The following DRC11 variants were observed in gnomAD, a reference collection of about 807,000 sequenced individuals.
The protein encoded by DRC11 is IQ and AAA domain-containing protein 1.
chr2:236,360,669 C>T, the DRC11 span, among the ~76,000 whole-genome samples: 2 of 152,066 alleles, frequency 1.3e-5, no homozygotes, highest in Non-Finnish European at 2.9e-5. The surrounding 1 kb of genome is among the most constrained non-coding windows in gnomAD (Gnocchi z 5.8). Context: ...TGTGTGCTTG[C>T]GTGGGGAAAG....
the DRC11 span, among the ~76,000 whole-genome samples, chr2:236,489,937 A>T: frequency 1.3e-5 from 2 of 152,150 alleles, no homozygotes; most frequent in Admixed American, 6.5e-5. Flanking sequence ...AAAAGAATTT[A>T]AAAATAAATT....
At chr2:236,419,858 T>C in the DRC11 span, among the ~76,000 whole-genome samples, 1 of 152,216 alleles carries the variant, frequency 6.6e-6, no homozygotes, top group Non-Finnish European at 1.5e-5. This position sits in a 1 kb window ranked among gnomAD's most constrained non-coding sequence, Gnocchi z 4.8. Context: ...TATTATAGAT[T>C]TGTTAAAAAA....
chr2:236,441,114 C>A, the DRC11 span: 1 of 1,556,894 alleles, frequency 6.4e-7, no homozygotes, highest in East Asian at 2.4e-5. Flanking sequence ...GGAAATGTCC[C>A]GGTTAAATTT....
the DRC11 span, among the ~76,000 whole-genome samples, chr2:236,471,523 T>C: frequency 1.3e-5 from 2 of 152,236 alleles, no homozygotes; most frequent in East Asian, 3.8e-4. The surrounding 1 kb of genome is among the most constrained non-coding windows in gnomAD (Gnocchi z 4.6). Context: ...TTTTGAATTA[T>C]GAATGATGTG....
the DRC11 span, among the ~76,000 whole-genome samples, chr2:236,386,123 C>G: frequency 1.3e-5 from 2 of 150,024 alleles, no homozygotes; most frequent in East Asian, 2.0e-4. Flanking sequence ...CTAAAATTCT[C>G]TTTTTTTGTT....
chr2:236,319,272 T>C, the DRC11 span, among the ~76,000 whole-genome samples: 1 of 152,194 alleles, frequency 6.6e-6, no homozygotes, highest in Admixed American at 6.5e-5. This position sits in a 1 kb window ranked among gnomAD's most constrained non-coding sequence, Gnocchi z 6.7. Context: ...CCAGGCATTG[T>C]GCCGTGTACA....
At chr2:236,487,043 AT>A in the DRC11 span, 3 of 627,360 alleles carry the variant, frequency 4.8e-6, no homozygotes, top group African/African-American at 3.7e-5. Flanking sequence ...CTGATGGAAT[AT>A]TTTTTCTTCT....
chr2:236,323,119 G>A, the DRC11 span, among the ~76,000 whole-genome samples: 1 of 152,056 alleles, frequency 6.6e-6, no homozygotes, highest in South Asian at 2.1e-4. This position sits in a 1 kb window ranked among gnomAD's most constrained non-coding sequence, Gnocchi z 6.4. Context: ...TACCCTCATA[G>A]TTTTCATTTC....
chr2:236,333,776 C>T, the DRC11 span, among the ~76,000 whole-genome samples: 1 of 152,216 alleles, frequency 6.6e-6, no homozygotes, highest in Non-Finnish European at 1.5e-5. The surrounding 1 kb of genome is among the most constrained non-coding windows in gnomAD (Gnocchi z 6.0). Flanking sequence ...ATCCAACCTT[C>T]TTGCAGGAGT....
chr2:236,404,964 A>C, the DRC11 span, among the ~76,000 whole-genome samples: 2 of 152,146 alleles, frequency 1.3e-5, no homozygotes, highest in South Asian at 4.1e-4. Context: ...GAAGGGGCAA[A>C]GCAGCTCTCT....
the DRC11 span, among the ~76,000 whole-genome samples, chr2:236,373,381 G>C: frequency 3.3e-5 from 5 of 151,804 alleles, no homozygotes; most frequent in African/African-American, 1.2e-4. Context: ...CTCCTGAGTA[G>C]CTGGGATTAC....
At chr2:236,415,128 T>TG in the DRC11 span, among the ~76,000 whole-genome samples, 10 of 152,312 alleles carry the variant, frequency 6.6e-5, no homozygotes, top group Admixed American at 3.3e-4. The surrounding 1 kb of genome is among the most constrained non-coding windows in gnomAD (Gnocchi z 5.7). Flanking sequence ...AGAGGTTAGT[T>TG]GAAATATTCA....
the DRC11 span, among the ~76,000 whole-genome samples, chr2:236,316,175 CTT>C: frequency 3.5e-4 from 52 of 147,650 alleles, no homozygotes; most frequent in Non-Finnish European, 3.0e-4. This position sits in a 1 kb window ranked among gnomAD's most constrained non-coding sequence, Gnocchi z 6.8. Context: ...CTCTCTCTCT[CTT>C]TTTGAGATGG....
the DRC11 span, chr2:236,392,487 T>C: frequency 1.9e-6 from 1 of 514,208 alleles, no homozygotes; most frequent in East Asian, 3.1e-5. This position sits in a 1 kb window ranked among gnomAD's most constrained non-coding sequence, Gnocchi z 5.1. Context: ...TGTTATTGCA[T>C]AGGATAAAAG....
the DRC11 span, chr2:236,338,134 CCTCCTGGCA>C: frequency 6.7e-7 from 1 of 1,490,486 alleles, no homozygotes; most frequent in Non-Finnish European, 9.0e-7. Flanking sequence ...CAAGGGCCGC[CCTCCTGGCA>C]AGCACACAGT....
chr2:236,345,106 C>G, the DRC11 span, among the ~76,000 whole-genome samples: 1 of 52,084 alleles, frequency 1.9e-5, no homozygotes. Context: ...TGGTTGTAAA[C>G]GTGCTTCCCT....
At chr2:236,340,861 G>A in the DRC11 span, among the ~76,000 whole-genome samples, 86 of 152,274 alleles carry the variant, frequency 5.6e-4, no homozygotes, top group East Asian at 0.014. Context: ...ATGGTGAGGT[G>A]CAGTCCCATG....
At chr2:236,503,908 T>C in the DRC11 span, among the ~76,000 whole-genome samples, 1,397 of 152,116 alleles carry the variant, frequency 9.2e-3, 9 homozygotes, top group Non-Finnish European at 0.011. The surrounding 1 kb of genome is among the most constrained non-coding windows in gnomAD (Gnocchi z 4.9). Flanking sequence ...GAAGGTCAAA[T>C]GAGACAAGAG....
At chr2:236,363,752 G>A in the DRC11 span, 1 of 1,531,442 alleles carries the variant, frequency 6.5e-7, no homozygotes. This position sits in a 1 kb window ranked among gnomAD's most constrained non-coding sequence, Gnocchi z 5.6. Flanking sequence ...AGGGAGGAGA[G>A]TTGGAAACCA....
Sources: gnomAD v4.1 joint callset for allele counts (sites outside exome capture counted in the v4.1 genomes callset) on GRCh38, gnomAD v4.1.1 for gene constraint, Gnocchi (gnomAD v3.1) non-coding constraint, MANE v1.5 for transcripts, NCBI Gene and HGNC (gene_info 2026-07-23, HGNC 2026-07-21) for gene names.